Variants in R3HDM1 observed in about 807,000 individuals in gnomAD.
R3HDM1 encodes R3H domain-containing protein 1.
Under a neutral mutation model 141.1 loss-of-function variants are expected in R3HDM1, and 46 were observed. The observed-to-expected ratio is 0.33, with a 90% CI of 0.26 to 0.42. The LOEUF (loss-of-function observed/expected upper bound fraction) is 0.42, where lower values mean the gene tolerates loss of function less well. Ranked by LOEUF, R3HDM1 falls within the 10% of genes least tolerant of loss-of-function variation. R3HDM1 has a pLI of 1.00. For missense variants in R3HDM1, 1,184 were observed against 1,368.3 expected, an observed-to-expected ratio of 0.87 and a Z score of 2.12; for synonymous variants, 435 against 472.9, an observed-to-expected ratio of 0.92 and a Z score of 1.04.
intron 24 of R3HDM1, among the ~76,000 whole-genome samples, chr2:135,718,929 G>A (rs559202456): frequency 4.2e-4 from 64 of 152,160 alleles, no homozygotes; most frequent in Admixed American, 9.2e-4. Context: ...GGGTGGATCA[G>A]GAGGTCACGA....
chr2:135,551,982 T>C (rs16831819), intron 1 of R3HDM1, among the ~76,000 whole-genome samples: 14,206 of 152,262 alleles, frequency 0.093, 919 homozygotes, highest in South Asian at 0.31. Flanking sequence ...TAGAGTCTAA[T>C]TGCAAAATTG....
At chr2:135,716,305 A>G (rs981459586) in intron 24 of R3HDM1, among the ~76,000 whole-genome samples, 5 of 152,246 alleles carry the variant, frequency 3.3e-5, no homozygotes, top group African/African-American at 1.2e-4. Context: ...TGTCTCAAAA[A>G]TAAAACAGAA....
intron 1 of R3HDM1, among the ~76,000 whole-genome samples, chr2:135,557,066 A>G (rs781058776): frequency 5.3e-5 from 8 of 152,150 alleles, no homozygotes; most frequent in Non-Finnish European, 8.8e-5. Flanking sequence ...GCATAAGATG[A>G]AGACTGAAAT....
At position 135,531,518 on chromosome 2, in the gene R3HDM1, TC is replaced by T; in HGVS notation, c.-363del. On this transcript the variant is annotated 5_prime_UTR_variant, in exon 1 of 27. Coordinates refer to ENST00000683871, the MANE Select transcript of R3HDM1 (RefSeq NM_001378107.1). The stretch of plus-strand genomic sequence containing the variant: ...GCCGCGGCTGCCGCTGGAGCCGGTG[TC>T]CGGGCTGGTGATGGGGTTAATTCCC... 2.0e-6 allele frequency: 2 copies of T among 985,574 alleles called. No individual in the cohort carries two copies. Among genetic ancestry groups the T allele is most frequent in the Non-Finnish European group, 2.4e-6 (2 of 829,918 alleles). 61.1% of individuals were successfully genotyped at this position (985,574 alleles called of 1,614,324 possible).
chr2:135,706,366 TG>T (rs777021290), intron 21 of R3HDM1, among the ~76,000 whole-genome samples: 4,962 of 144,950 alleles, frequency 0.034, 241 homozygotes, highest in African/African-American at 0.1. Context: ...TCCATAGTTT[TG>T]TTTTTGTTTT....
At chr2:135,667,616 G>GA in intron 19 of R3HDM1, 1 of 968,878 alleles carries the variant, frequency 1.0e-6, no homozygotes, top group Non-Finnish European at 1.2e-6. Context: ...TTTTAGTGAA[G>GA]AAAGAATAAT....
chr2:135,645,208 C>T (rs554614676), intron 15 of R3HDM1, 171 bp from the exon 16 acceptor site: 1 of 521,172 alleles, frequency 1.9e-6, no homozygotes, highest in Non-Finnish European at 3.2e-6. Flanking sequence ...TTAATAGCCT[C>T]ATGTCAGAGC....
At chr2:135,703,383 T>C (rs2074491753) in intron 21 of R3HDM1, among the ~76,000 whole-genome samples, 1 of 152,214 alleles carries the variant, frequency 6.6e-6, no homozygotes, top group Non-Finnish European at 1.5e-5. Flanking sequence ...TTCTCTATAA[T>C]TAACTGCATG....
intron 20 of R3HDM1, among the ~76,000 whole-genome samples, chr2:135,677,944 T>G (rs923920403): frequency 5.3e-5 from 8 of 151,840 alleles, no homozygotes; most frequent in East Asian, 3.9e-4. Flanking sequence ...TCGCTCGCTC[T>G]CTCTCCCCCT....
Position 135,645,422 on chromosome 2 carries a change from T to A in R3HDM1, c.1518T>A (p.Asn506Lys). 6.2e-7 allele frequency: 1 copy of A among 1,612,804 alleles called. No homozygotes were observed. Among genetic ancestry groups the A allele is most frequent in the Non-Finnish European group, 8.5e-7 (1 of 1,178,860 alleles). Residue 506 changes from asparagine (N) to lysine (K), a missense_variant, in exon 16 of 27, where the codon AAT (asparagine) becomes AAA (lysine). Asn to Lys is a moderately conservative substitution (Grantham distance 94). Coordinates refer to ENST00000683871, the MANE Select transcript of R3HDM1 (RefSeq NM_001378107.1). ...CAGATGGGAGTCCAGTTGTGTATAA[T>A]CCTCCTATGACTCAACAACCAGTTA... ...INPDGSPVVYNPPMTQQPVRS... is the reference protein window; with the variant it reads ...INPDGSPVVYKPPMTQQPVRS...
intron 1 of R3HDM1, chr2:135,561,194 C>A: frequency 2.0e-6 from 1 of 502,170 alleles, no homozygotes; most frequent in Non-Finnish European, 2.6e-6. Flanking sequence ...AATCTCTGCA[C>A]TGTACATTCT....
At chr2:135,686,176 T>C (rs1397882358) in intron 21 of R3HDM1, among the ~76,000 whole-genome samples, 2 of 152,092 alleles carry the variant, frequency 1.3e-5, no homozygotes, top group Non-Finnish European at 2.9e-5. Flanking sequence ...CTATTAAGTA[T>C]TGATAAGGAT....
In R3HDM1 at chr2:135,701,273, C is replaced by T. The variant is rs2074169705; in HGVS notation, c.2460-8160C>T. 3.3e-5 allele frequency among the ~76,000 whole-genome samples: 5 copies of T among 150,664 alleles called. No homozygotes were observed. The South Asian group carries it at 1.1e-3, about 32-fold the overall frequency. ...TAAAAATTAGCCAGGTGCAGTGGTG[C>T]ACACCTGTAGTCCTAGCTACTTGGG... On this transcript the variant is annotated intron_variant, in intron 21 of 26. Coordinates refer to ENST00000683871, the MANE Select transcript of R3HDM1 (RefSeq NM_001378107.1).
At chr2:135,532,180 T>C (rs1333486486) in intron 1 of R3HDM1, among the ~76,000 whole-genome samples, 1 of 152,200 alleles carries the variant, frequency 6.6e-6, no homozygotes, top group Admixed American at 6.5e-5. Flanking sequence ...AATTTTCAGC[T>C]TCGACCGGTT....
At chr2:135,671,661 G>A (rs112553284) in intron 19 of R3HDM1, among the ~76,000 whole-genome samples, 13 of 151,756 alleles carry the variant, frequency 8.6e-5, no homozygotes, top group South Asian at 2.1e-4. Flanking sequence ...GAACCACCGC[G>A]CTGGCCCAAT....
intron 1 of R3HDM1, among the ~76,000 whole-genome samples, chr2:135,581,862 T>A (rs1478759336): frequency 6.6e-6 from 1 of 152,218 alleles, no homozygotes; most frequent in Non-Finnish European, 1.5e-5. Flanking sequence ...ATGTTCTTAA[T>A]TTCTTTGCAT....
At chr2:135,564,791 C>G (rs1415233546) in intron 1 of R3HDM1, among the ~76,000 whole-genome samples, 1 of 152,120 alleles carries the variant, frequency 6.6e-6, no homozygotes, top group Admixed American at 6.5e-5. Context: ...AATATGAAAA[C>G]TAGCCACCAA....
chr2:135,623,246 A>C (rs1215548032), intron 7 of R3HDM1, among the ~76,000 whole-genome samples: 2 of 152,154 alleles, frequency 1.3e-5, no homozygotes, highest in Non-Finnish European at 2.9e-5. Flanking sequence ...ACTTTTTGGC[A>C]ACTCATAAGC....
rs181034784 is a variant in R3HDM1 at position 135,547,993 on chromosome 2, C to T, written c.-250+16360C>T. Reference sequence around the variant, plus strand: ...TTCACCATGTTGGACAGGATGGTCTCGATCTCCTGACCTCGTGATCCACCC... The same window carrying T: ...TTCACCATGTTGGACAGGATGGTCTTGATCTCCTGACCTCGTGATCCACCC... On this transcript the variant is annotated intron_variant, in intron 1 of 26. Coordinates refer to ENST00000683871, the MANE Select transcript of R3HDM1 (RefSeq NM_001378107.1). 6.1e-3 allele frequency among the ~76,000 whole-genome samples: 932 copies of T among 152,068 alleles called. 1 individual carries two copies. The highest frequency in any genetic ancestry group is 0.041 in the Middle Eastern group (12 of 294).
Sources: allele counts gnomAD v4.1 joint callset (sites outside exome capture counted in the v4.1 genomes callset), GRCh38; gene constraint gnomAD v4.1.1; transcripts MANE v1.5; gene names NCBI Gene and HGNC (gene_info 2026-07-23, HGNC 2026-07-21).